The following PPP2R5C variants were observed in gnomAD, a reference collection of about 807,000 sequenced individuals.
PPP2R5C encodes the protein protein phosphatase 2 regulatory subunit B'gamma.
A neutral mutation model predicts 68.9 loss-of-function variants in PPP2R5C; 7 were observed. The observed-to-expected ratio is 0.10, with a 90% CI of 0.06 to 0.19. The LOEUF is 0.19. Ranked by LOEUF, PPP2R5C falls within the 10% of genes least tolerant of loss-of-function variation. The pLI is 1.00. For missense variants in PPP2R5C, 348 were observed against 641.3 expected, an observed-to-expected ratio of 0.54 and a Z score of 4.94; for synonymous variants, 210 against 222.2, an observed-to-expected ratio of 0.95 and a Z score of 0.49.
At chr14:101,832,708 G>T (rs4906147) in intron 1 of PPP2R5C, among the ~76,000 whole-genome samples, 33,838 of 152,060 alleles carry the variant, frequency 0.22, 4,236 homozygotes, top group African/African-American at 0.34. Flanking sequence ...AGGGTGGAGC[G>T]GGACTGTGGA....
chr14:101,866,108 T>C (rs2043049789), intron 2 of PPP2R5C, among the ~76,000 whole-genome samples: 1 of 152,204 alleles, frequency 6.6e-6, no homozygotes, highest in African/African-American at 2.4e-5. Flanking sequence ...TTGGCCAGGA[T>C]GATCTCAAAC....
intron 2 of PPP2R5C, among the ~76,000 whole-genome samples, chr14:101,778,923 G>C (rs1195018166): frequency 1.3e-5 from 2 of 152,104 alleles, no homozygotes; most frequent in African/African-American, 4.8e-5. Flanking sequence ...AGCCAGATGT[G>C]GTGGTGAGTG....
intron 3 of PPP2R5C, among the ~76,000 whole-genome samples, chr14:101,794,961 T>C (rs2140109811): frequency 6.6e-6 from 1 of 152,338 alleles, no homozygotes; most frequent in African/African-American, 2.4e-5. Flanking sequence ...CACATGTCTT[T>C]CTCTCCAGTT....
chr14:101,914,044 C>A, intron 12 of PPP2R5C: 3 of 408,772 alleles, frequency 7.3e-6, no homozygotes, highest in South Asian at 5.5e-5. Flanking sequence ...ACATACTGTA[C>A]GTAACCAATG....
exon 11 of PPP2R5C, chr14:101,909,598 T>C: frequency 6.2e-7 from 1 of 1,607,370 alleles, no homozygotes; most frequent in East Asian, 2.2e-5. Flanking sequence ...GGACAATACA[T>C]GGCTTGATAT....
chr14:101,817,619 C>CT (rs1286172695), intron 1 of PPP2R5C, among the ~76,000 whole-genome samples: 1 of 152,160 alleles, frequency 6.6e-6, no homozygotes, highest in Non-Finnish European at 1.5e-5. Flanking sequence ...TTCCTCCGCA[C>CT]TTTAAGAGGC....
intron 1 of PPP2R5C, chr14:101,819,039 T>G (rs2140252282): frequency 6.4e-7 from 1 of 1,551,626 alleles, no homozygotes; most frequent in Non-Finnish European, 8.7e-7. Context: ...CACCTCCACT[T>G]CTTCCTGAGT....
intron 1 of PPP2R5C, among the ~76,000 whole-genome samples, chr14:101,822,332 G>C (rs1009365386): frequency 1.3e-5 from 2 of 152,094 alleles, no homozygotes; most frequent in Non-Finnish European, 2.9e-5. Context: ...AGAAAAACAC[G>C]AACGAGAATG....
At chr14:101,851,690 G>A (rs1368640143) in intron 1 of PPP2R5C, among the ~76,000 whole-genome samples, 2 of 152,004 alleles carry the variant, frequency 1.3e-5, no homozygotes, top group Non-Finnish European at 2.9e-5. Context: ...CAACATCTGT[G>A]CAGCAGAAAG....
intron 3 of PPP2R5C, among the ~76,000 whole-genome samples, chr14:101,803,744 A>AT (rs1347241302): frequency 2.0e-5 from 3 of 152,082 alleles, no homozygotes; most frequent in African/African-American, 7.2e-5. Context: ...AAAAAAAAAA[A>AT]TCTAAGACCT....
intron 6 of PPP2R5C, among the ~76,000 whole-genome samples, chr14:101,892,357 A>G (rs915313372): frequency 7.9e-6 from 1 of 126,044 alleles, no homozygotes; most frequent in East Asian, 2.7e-4. Flanking sequence ...AATGCCTACC[A>G]GATGGATAAG....
At chr14:101,893,210 T>A in intron 7 of PPP2R5C, 102 bp downstream of exon 9, 1 of 757,598 alleles carries the variant, frequency 1.3e-6, no homozygotes, top group Non-Finnish European at 2.2e-6. Context: ...TTCTTCTTTA[T>A]AGGCCTGTAC....
chr14:101,784,992 G>A (rs138759236), intron 2 of PPP2R5C, among the ~76,000 whole-genome samples: 37 of 152,264 alleles, frequency 2.4e-4, no homozygotes, highest in African/African-American at 6.5e-4. Flanking sequence ...CCTCTGCTTC[G>A]TGCATCTTCA....
chr14:101,921,980 A>G, intron 13 of PPP2R5C: 1 of 984,822 alleles, frequency 1.0e-6, no homozygotes. Context: ...CTCATTTTTA[A>G]CAGTTGGTCG....
chr14:101,901,924 C>G, intron 9 of PPP2R5C, 35 bp downstream of exon 11: 1 of 1,594,816 alleles, frequency 6.3e-7, no homozygotes, highest in Non-Finnish European at 8.6e-7. Flanking sequence ...TTAAATTCTT[C>G]CAGTGTTCAT....
intron 1 of PPP2R5C, among the ~76,000 whole-genome samples, chr14:101,842,757 C>CTTTTTTTTT (rs60913362): frequency 2.2e-5 from 3 of 137,798 alleles, no homozygotes; most frequent in East Asian, 2.1e-4. Context: ...TGTCTTTTTT[C>CTTTTTTTTT]TTTTTTTTTT....
chr14:101,901,471 A>G (rs1230291200), intron 8 of PPP2R5C, among the ~76,000 whole-genome samples: 1 of 152,220 alleles, frequency 6.6e-6, no homozygotes, highest in Non-Finnish European at 1.5e-5. Flanking sequence ...TCCAGCCTGG[A>G]CAACATAATG....
chr14:101,858,543 A>G (rs1461856244), intron 2 of PPP2R5C, among the ~76,000 whole-genome samples: 1 of 151,718 alleles, frequency 6.6e-6, no homozygotes, highest in Admixed American at 6.6e-5. Flanking sequence ...GGTTAGGGAT[A>G]GAACTTCATT....
chr14:101,864,318 A>G (rs191490925), intron 2 of PPP2R5C, among the ~76,000 whole-genome samples: 1 of 152,300 alleles, frequency 6.6e-6, no homozygotes, highest in Admixed American at 6.5e-5. Flanking sequence ...CTCCAGAAAT[A>G]TCCAAATCTA....
Sources: gnomAD v4.1 joint callset for allele counts (sites outside exome capture counted in the v4.1 genomes callset) on GRCh38, gnomAD v4.1.1 for gene constraint, MANE v1.5 for transcripts, NCBI Gene and HGNC (gene_info 2026-07-23, HGNC 2026-07-21) for gene names.